SUDS3: variants seen among roughly 807,000 people sequenced by gnomAD.
SUDS3 encodes sin3 histone deacetylase corepressor complex component SDS3.
A neutral mutation model predicts 53.5 loss-of-function variants in SUDS3; 23 were observed. The observed-to-expected ratio is 0.43, with a 90% CI of 0.31 to 0.61. The LOEUF (loss-of-function observed/expected upper bound fraction) is 0.61, where lower values mean the gene tolerates loss of function less well. Among genes scored for constraint, SUDS3 ranks in the 20% least tolerant of loss-of-function variants. SUDS3 has a pLI of 0.10. For synonymous variants in SUDS3, 150 were observed against 148.5 expected, an observed-to-expected ratio of 1.01 and a Z score of -0.08; for missense variants, 291 against 405.9, an observed-to-expected ratio of 0.72 and a Z score of 2.43.
intron 4 of SUDS3, among the ~76,000 whole-genome samples, chr12:118,388,486 C>A (rs114747531): frequency 1.3e-5 from 2 of 152,074 alleles, no homozygotes; most frequent in Non-Finnish European, 2.9e-5. Flanking sequence ...CTTCAAGTTG[C>A]GGGTTTGTAG....
Position 118,402,013 on chromosome 12 carries a change from A to C in SUDS3, c.697+9A>C, listed in dbSNP as rs1226167455. On this transcript the variant is annotated intron_variant, in intron 9 of 11. Transcript: ENST00000543473. ...GTCACCCAAGAGACCAGGTGAGTGCATGATGTGTTGGCATTTGTGCAACCT... is the reference window on the plus strand; with the variant it reads ...GTCACCCAAGAGACCAGGTGAGTGCCTGATGTGTTGGCATTTGTGCAACCT... 6.2e-6 allele frequency: 10 copies of C among 1,613,824 alleles called. No individual in the cohort carries two copies. In the East Asian group the frequency reaches 6.7e-5, roughly 11 times the overall value.
chr12:118,390,758 C>G (rs1014341466), intron 5 of SUDS3, among the ~76,000 whole-genome samples: 3 of 152,188 alleles, frequency 2.0e-5, no homozygotes, highest in African/African-American at 7.2e-5. Flanking sequence ...TTTTGTCTTG[C>G]TGTATCAAAA....
chr12:118,397,779 T>G (rs2046229059), intron 6 of SUDS3, among the ~76,000 whole-genome samples: 1 of 152,132 alleles, frequency 6.6e-6, no homozygotes, highest in South Asian at 2.1e-4. Context: ...GGTTTGTAAG[T>G]GATACAGTTA....
chr12:118,389,978 C>A, intron 5 of SUDS3, 32 bp downstream of exon 5: 1 of 1,613,802 alleles, frequency 6.2e-7, no homozygotes, highest in South Asian at 1.1e-5. Context: ...GGTTTGCAGG[C>A]CCTGTCTGAG....
chr12:118,401,181 A>T (rs1258937955), intron 7 of SUDS3, among the ~76,000 whole-genome samples: 1 of 152,220 alleles, frequency 6.6e-6, no homozygotes, highest in Non-Finnish European at 1.5e-5. Flanking sequence ...CCTGTTTTTA[A>T]ATTAAAGCAA....
At chr12:118,387,047 T>TTTTCTTTGGGGCCAGTGATCTTTCATTG (rs1276033866) in intron 4 of SUDS3, among the ~76,000 whole-genome samples, 2 of 152,202 alleles carry the variant, frequency 1.3e-5, no homozygotes, top group Non-Finnish European at 2.9e-5. Context: ...TCTTTCATTC[T>TTTTCTTTGGGGCCAGTGATCTTTCATTG]GGGCCAGTGA....
At chr12:118,379,644 C>T (rs1337638616) in intron 1 of SUDS3, among the ~76,000 whole-genome samples, 1 of 152,140 alleles carries the variant, frequency 6.6e-6, no homozygotes, top group Non-Finnish European at 1.5e-5. Flanking sequence ...AATGTACATA[C>T]TAGTTTTTTT....
chr12:118,380,357 G>A (rs1188874875), intron 2 of SUDS3, 126 bp downstream of exon 2: 2 of 786,794 alleles, frequency 2.5e-6, no homozygotes, highest in Admixed American at 5.4e-5. Context: ...CCAGCATGAT[G>A]CTCAAAGGAA....
chr12:118,414,520 T>A lies in SUDS3; in HGVS notation c.*87T>A. The A allele has an allele frequency of 9.0e-7, 1 of 1,112,292 alleles. No homozygotes were observed. The highest frequency in any genetic ancestry group is 1.3e-6 in the Non-Finnish European group (1 of 798,244). 68.9% of individuals were successfully genotyped at this position (1,112,292 alleles called of 1,614,324 possible). A position where few individuals can be genotyped will look rare whatever the true frequency, so the allele number is the denominator to read the frequency against. On this transcript the variant is annotated 3_prime_UTR_variant, in exon 12 of 12. Transcript: ENST00000543473. ...CGTTTTCTCCTTAATAGAAAAATGTTAACTTACTGGGAATAGCTACTCAGC... is the reference window on the plus strand; with the variant it reads ...CGTTTTCTCCTTAATAGAAAAATGTAAACTTACTGGGAATAGCTACTCAGC...
chr12:118,392,426 G>C (rs1239197054), intron 6 of SUDS3, among the ~76,000 whole-genome samples: 1 of 152,166 alleles, frequency 6.6e-6, no homozygotes, highest in Non-Finnish European at 1.5e-5. Flanking sequence ...CTAAGGTGGG[G>C]TCTGACTTTT....
intron 5 of SUDS3, 40 bp from the exon 6 acceptor site, chr12:118,391,086 A>G: frequency 6.2e-7 from 1 of 1,608,222 alleles, no homozygotes; most frequent in Non-Finnish European, 8.5e-7. Flanking sequence ...CCTGGCTCCC[A>G]GGGCTGTGTA....
At position 118,380,236 on chromosome 12, in the gene SUDS3, G is replaced by A. The variant is rs1314868061; in HGVS notation, c.212+5G>A. 1 of 1,601,018 alleles carries A rather than the reference G, an allele frequency of 6.2e-7. No homozygotes were observed. Among genetic ancestry groups the A allele is most frequent in the Non-Finnish European group, 8.5e-7 (1 of 1,173,186 alleles). ...CTATGTAGAAATGAAGGAACAGTGA[G>A]TATGATATGCCTATGTCTTTTTGGA... On this transcript the variant is annotated splice_donor_5th_base_variant and intron_variant, in intron 2 of 11. Transcript: ENST00000543473.
At position 118,401,794 on chromosome 12, in the gene SUDS3, A is replaced by G; in HGVS notation, c.649A>G (p.Met217Val). Reference protein sequence around the residue: ...LNYLLTDEQIMEDLRTLNKLK... With the variant: ...LNYLLTDEQIVEDLRTLNKLK... ...CTATTTGTTAACAGATGAACAGATCATGGAGGATCTGAGAACATTAAATAA... is the reference window on the plus strand; with the variant it reads ...CTATTTGTTAACAGATGAACAGATCGTGGAGGATCTGAGAACATTAAATAA... Residue 217 changes from methionine (M) to valine (V), a missense_variant, in exon 8 of 12, where the codon ATG (methionine) becomes GTG (valine). By Grantham distance (21) the Met-to-Val change is conservative (BLOSUM62 1). Coordinates refer to ENST00000543473, the MANE Select transcript of SUDS3 (RefSeq NM_022491.3). The G allele has an allele frequency of 6.2e-7, 1 of 1,613,814 alleles. No homozygotes were observed. The highest frequency in any genetic ancestry group is 8.5e-7 in the Non-Finnish European group (1 of 1,179,716).
chr12:118,384,484 G>A (rs1462609151), intron 3 of SUDS3, among the ~76,000 whole-genome samples: 1 of 152,156 alleles, frequency 6.6e-6, no homozygotes, highest in East Asian at 1.9e-4. Flanking sequence ...AAAGTAGATT[G>A]TATTTTGTCA....
chr12:118,382,449 C>T (rs2046074893), intron 2 of SUDS3, among the ~76,000 whole-genome samples: 1 of 148,590 alleles, frequency 6.7e-6, no homozygotes, highest in African/African-American at 2.5e-5. Context: ...GCAGTCTCAA[C>T]CTCTGGGGCT....
intron 7 of SUDS3, 96 bp from the exon 8 acceptor site, chr12:118,401,659 AAATC>A (rs2046263613): frequency 9.6e-7 from 1 of 1,037,206 alleles, no homozygotes; most frequent in African/African-American, 1.6e-5. Context: ...TCATTTAACA[AAATC>A]ATACTTTGTA....
chr12:118,379,084 T>C (rs188436782), intron 1 of SUDS3, among the ~76,000 whole-genome samples: 214 of 151,406 alleles, frequency 1.4e-3, no homozygotes, highest in Middle Eastern at 0.01. Context: ...AGTGCTGGGA[T>C]TACAGACATG....
At chr12:118,380,292 T>A (rs2046044889) in intron 2 of SUDS3, 61 bp downstream of exon 2, 3 of 1,415,464 alleles carry the variant, frequency 2.1e-6, no homozygotes, top group Middle Eastern at 3.5e-4. Flanking sequence ...TTATATAGAT[T>A]GAGCATCCCA....
chr12:118,395,828 A>G (rs1425564202), intron 6 of SUDS3, among the ~76,000 whole-genome samples: 1 of 152,000 alleles, frequency 6.6e-6, no homozygotes, highest in Admixed American at 6.5e-5. Flanking sequence ...AGTAGCTGGG[A>G]CTACAGGTGC....
Sources: allele counts gnomAD v4.1 joint callset (sites outside exome capture counted in the v4.1 genomes callset), GRCh38; gene constraint gnomAD v4.1.1; transcripts MANE v1.5; gene names NCBI Gene and HGNC (gene_info 2026-07-23, HGNC 2026-07-21).